The following EVC variants were observed in gnomAD, a reference collection of about 807,000 sequenced individuals.
The protein encoded by EVC is evC complex member EVC.
Under a neutral mutation model 118.9 loss-of-function variants are expected in EVC, and 116 were observed. That is an observed-to-expected ratio of 0.98 (90% confidence interval 0.84 to 1.14). EVC has a LOEUF of 1.14. Ranked by LOEUF, EVC falls within the 50% of genes most tolerant of loss-of-function variation. The pLI, the probability that EVC is intolerant of heterozygous loss-of-function variation, is 0.00. For missense variants in EVC, 1,401 were observed against 1,246.4 expected (o/e 1.12, Z -1.87); for synonymous variants, 619 against 534.7 (o/e 1.16, Z -2.18).
At chr4:5,767,581 C>G (rs182461298) in intron 11 of EVC, among the ~76,000 whole-genome samples, 35,796 of 145,974 alleles carry the variant, frequency 0.25, 4,772 homozygotes, top group East Asian at 0.3. Context: ...CTCCGAGCCA[C>G]GTGTGGGATA....
chr4:5,806,874 A>C (rs1289805460), intron 17 of EVC, among the ~76,000 whole-genome samples: 1 of 152,238 alleles, frequency 6.6e-6, no homozygotes, highest in South Asian at 2.1e-4. Context: ...AGTGATAGCC[A>C]TTCTAACTGG....
the EVC span, among the ~76,000 whole-genome samples, chr4:5,819,623 T>C: frequency 6.6e-6 from 1 of 152,214 alleles, no homozygotes; most frequent in South Asian, 2.1e-4. Context: ...CTAGGGCTGC[T>C]TCTGCTTCCA....
At chr4:5,825,751 A>G in the EVC span, 7 of 1,317,240 alleles carry the variant, frequency 5.3e-6, no homozygotes, top group Non-Finnish European at 7.4e-6. This position sits in a 1 kb window ranked among gnomAD's most constrained non-coding sequence, Gnocchi z 4.4. Flanking sequence ...CGAGAGAGAA[A>G]CCTGAGGTCA....
At position 5,814,262 on chromosome 4, in the gene EVC, G is replaced by A. The variant is rs1007410554; in HGVS notation, c.*3225G>A. On this transcript the variant is annotated 3_prime_UTR_variant, in exon 21 of 21. Transcript: ENST00000264956. ...GATTTGGAAGGGGACCATGAGAGAT[G>A]ATGTATTATGATGAACTCATGATTT... 1 of 152,272 alleles carries A rather than the reference G, an allele frequency of 6.6e-6. No homozygotes were observed. Among genetic ancestry groups the A allele is most frequent in the Non-Finnish European group, 1.5e-5 (1 of 68,072 alleles). 9.4% of individuals were successfully genotyped at this position (152,272 alleles called of 1,614,324 possible). A position where few individuals can be genotyped will look rare whatever the true frequency, so the allele number is the denominator to read the frequency against.
At position 5,745,455 on chromosome 4, in the gene EVC, G is replaced by A. The variant is rs28609792; in HGVS notation, c.939+114G>A. On this transcript the variant is annotated intron_variant, in intron 7 of 20. Transcript: ENST00000264956. ...TGCCTAATACTTGAATTCCCCTATCGCATTCTGCCCTAGAGGCAGGATCCA... is the reference window on the plus strand; with the variant it reads ...TGCCTAATACTTGAATTCCCCTATCACATTCTGCCCTAGAGGCAGGATCCA... 198,880 of 1,123,292 alleles carry A rather than the reference G, an allele frequency of 0.18. 19,199 individuals carry two copies. The highest frequency in any genetic ancestry group is 0.34 in the African/African-American group (21,750 of 64,600). 69.6% of individuals were successfully genotyped at this position (1,123,292 alleles called of 1,614,324 possible).
At chr4:5,786,796 C>T (rs993973622) in intron 12 of EVC, among the ~76,000 whole-genome samples, 1 of 148,402 alleles carries the variant, frequency 6.7e-6, no homozygotes, top group Non-Finnish European at 1.5e-5. Context: ...GGCGTGAACC[C>T]GGGAGGCAGA....
At chr4:5,768,118 A>G (rs1733259649) in intron 11 of EVC, among the ~76,000 whole-genome samples, 1 of 152,122 alleles carries the variant, frequency 6.6e-6, no homozygotes, top group South Asian at 2.1e-4. Context: ...GCAGTGGGGA[A>G]GCTGGGGAGG....
intron 1 of EVC, among the ~76,000 whole-genome samples, chr4:5,712,817 GGA>G (rs972008679): frequency 2.0e-5 from 3 of 152,176 alleles, no homozygotes; most frequent in African/African-American, 7.2e-5. Context: ...CTTGTTGCAT[GGA>G]GAGAGAAAGG....
chr4:5,796,395 T>C (rs1002542374), intron 13 of EVC, among the ~76,000 whole-genome samples: 1 of 152,122 alleles, frequency 6.6e-6, no homozygotes, highest in African/African-American at 2.4e-5. Flanking sequence ...TCAAATGATA[T>C]GATCTTCTTC....
chr4:5,768,619 G>T (rs1577503068), intron 11 of EVC, among the ~76,000 whole-genome samples: 1 of 152,046 alleles, frequency 6.6e-6, no homozygotes, highest in African/African-American at 2.4e-5. Context: ...CACTTTGGGA[G>T]GCTGAGGCAA....
At chr4:5,766,676 T>C (rs994325089) in intron 11 of EVC, among the ~76,000 whole-genome samples, 9 of 140,066 alleles carry the variant, frequency 6.4e-5, no homozygotes, top group Non-Finnish European at 1.2e-4. Context: ...GCTGATACCC[T>C]TTCTTCCAGT....
chr4:5,777,456 C>G (rs980098479), intron 11 of EVC, among the ~76,000 whole-genome samples: 1 of 152,134 alleles, frequency 6.6e-6, no homozygotes, highest in Non-Finnish European at 1.5e-5. Flanking sequence ...AAAGGACCTG[C>G]TCAGCTGTTC....
intron 8 of EVC, among the ~76,000 whole-genome samples, chr4:5,751,562 T>G (rs1278439671): frequency 1.3e-5 from 2 of 152,208 alleles, no homozygotes; most frequent in African/African-American, 4.8e-5. Flanking sequence ...GCCCTAGTCT[T>G]GTGTTGTGGG....
rs904517610 is a variant in EVC at position 5,729,523 on chromosome 4, G to C, written c.384+133G>C. 12 of 884,464 alleles carry C rather than the reference G, an allele frequency of 1.4e-5. No homozygotes were observed. The African/African-American group carries it at 2.0e-4, about 15-fold the overall frequency. The allele number at this position is 884,464 out of a possible 1,614,324, so 54.8% of individuals were successfully genotyped here. On this transcript the variant is annotated intron_variant, in intron 3 of 20. Transcript: ENST00000264956. Reference sequence around the variant, plus strand: ...GTTTTATGGCAAGTCATTTTAGTAGGGATAGTTTTGAGGCTCAGGAACAGG... The same window carrying C: ...GTTTTATGGCAAGTCATTTTAGTAGCGATAGTTTTGAGGCTCAGGAACAGG...
chr4:5,776,873 T>C (rs530923480), intron 11 of EVC, among the ~76,000 whole-genome samples: 11 of 152,284 alleles, frequency 7.2e-5, no homozygotes, highest in African/African-American at 2.6e-4. Flanking sequence ...AACTAAGTAG[T>C]GTTACTTTTT....
intron 11 of EVC, among the ~76,000 whole-genome samples, chr4:5,771,717 C>T (rs1417013689): frequency 6.6e-6 from 1 of 152,134 alleles, no homozygotes; most frequent in Admixed American, 6.5e-5. Flanking sequence ...TCCCCGTCGC[C>T]GGGAAGCAGG....
downstream of EVC, among the ~76,000 whole-genome samples, chr4:5,815,178 G>A (rs1197249619): frequency 1.3e-5 from 2 of 152,078 alleles, no homozygotes; most frequent in East Asian, 3.9e-4. Flanking sequence ...TAAGGAATGT[G>A]TCAGTGAACC....
At chr4:5,771,238 C>T (rs1197695981) in intron 11 of EVC, among the ~76,000 whole-genome samples, 2 of 152,068 alleles carry the variant, frequency 1.3e-5, no homozygotes, top group East Asian at 3.9e-4. Context: ...CCTGGAGGCT[C>T]CAGGGGAGAA....
chr4:5,800,215 T>G (rs1231419391), intron 15 of EVC, among the ~76,000 whole-genome samples: 1 of 151,992 alleles, frequency 6.6e-6, no homozygotes, highest in Non-Finnish European at 1.5e-5. Flanking sequence ...TGTAGTGGTG[T>G]GCGCCTGTAA....
Sources: gnomAD v4.1 joint callset for allele counts (sites outside exome capture counted in the v4.1 genomes callset) on GRCh38, gnomAD v4.1.1 for gene constraint, Gnocchi (gnomAD v3.1) non-coding constraint, MANE v1.5 for transcripts, NCBI Gene and HGNC (gene_info 2026-07-23, HGNC 2026-07-21) for gene names.